PHEX: variants seen among roughly 807,000 people sequenced by gnomAD.
PHEX encodes phosphate regulating endopeptidase X-linked.
A neutral mutation model predicts 68.0 loss-of-function variants in PHEX; 16 were observed. That is an observed-to-expected ratio of 0.24 (90% CI 0.16 to 0.36). The LOEUF (loss-of-function observed/expected upper bound fraction) is 0.36. Ranked by LOEUF, PHEX falls within the 10% of genes least tolerant of loss-of-function variation. The probability of loss-of-function intolerance (pLI) is 1.00; values close to 1 mark genes in which losing one functional copy is unlikely to be tolerated. For missense variants in PHEX, 480 were observed against 575.5 expected, an observed-to-expected ratio of 0.83 and a Z score of 1.70; for synonymous variants, 208 against 205.1, an observed-to-expected ratio of 1.01 and a Z score of -0.12.
At chrX:22,154,909 A>T (rs1932917199) in intron 12 of PHEX, among the ~76,000 whole-genome samples, 1 of 111,675 alleles carries the variant, frequency 9.0e-6, no homozygotes, top group Admixed American at 9.5e-5. Context: ...GAAAATTCCC[A>T]CTTGCATTGA....
At chrX:22,185,913 G>A (rs972230360) in intron 14 of PHEX, among the ~76,000 whole-genome samples, 1 of 109,935 alleles carries the variant, frequency 9.1e-6, no homozygotes, top group Non-Finnish European at 1.9e-5. Context: ...CCGCCACCAC[G>A]CTGAGCTAAT....
At chrX:22,214,288 C>G (rs1252881319) in intron 16 of PHEX, among the ~76,000 whole-genome samples, 3 of 111,834 alleles carry the variant, frequency 2.7e-5, no homozygotes, top group African/African-American at 9.7e-5. Context: ...CTGTCTCTCC[C>G]TTCTACTTAT....
intron 1 of PHEX, among the ~76,000 whole-genome samples, chrX:22,036,366 G>A (rs1427304649): frequency 9.1e-6 from 1 of 110,081 alleles, no homozygotes; most frequent in Non-Finnish European, 1.9e-5. Context: ...GGCCTAATTA[G>A]TTATATTTAA....
intron 3 of PHEX, among the ~76,000 whole-genome samples, chrX:22,054,242 C>T (rs1029520908): frequency 1.8e-5 from 2 of 111,690 alleles, no homozygotes; most frequent in African/African-American, 6.5e-5. Flanking sequence ...TCAGGTGATT[C>T]TCCTGCCTTG....
chrX:22,070,809 C>T (rs1928868165), intron 3 of PHEX, among the ~76,000 whole-genome samples: 1 of 111,984 alleles, frequency 8.9e-6, no homozygotes, highest in East Asian at 2.8e-4. Context: ...AGAAAGAACC[C>T]AAAGGAGGGT....
intron 15 of PHEX, among the ~76,000 whole-genome samples, chrX:22,201,321 C>T (rs1002739614): frequency 6.3e-5 from 7 of 111,041 alleles, no homozygotes; most frequent in Admixed American, 1.9e-4. Flanking sequence ...GGACTACAGG[C>T]GCTCACCACC....
At chrX:22,215,017 A>C (rs749705381) in intron 16 of PHEX, among the ~76,000 whole-genome samples, 1 of 111,703 alleles carries the variant, frequency 9.0e-6, no homozygotes, top group South Asian at 3.7e-4. Flanking sequence ...CAAACTAAAA[A>C]AGTCCTATAA....
At chrX:22,056,778 TA>T (rs1334402307) in intron 3 of PHEX, among the ~76,000 whole-genome samples, 1 of 103,997 alleles carries the variant, frequency 9.6e-6, no homozygotes, top group African/African-American at 3.5e-5. Flanking sequence ...ATAATAATAA[TA>T]ATAATAATAA....
At chrX:22,224,947 A>AACTATCATACAGCGCTGTATGATTT (rs1935397939) in intron 18 of PHEX, among the ~76,000 whole-genome samples, 1 of 23,247 alleles carries the variant, frequency 4.3e-5, no homozygotes, top group Non-Finnish European at 7.9e-5. Context: ...AAATAACATA[A>AACTATCATACAGCGCTGTATGATTT]ATTATCATAC....
chrX:22,196,727 T>G (rs1934379163), intron 15 of PHEX, among the ~76,000 whole-genome samples: 1 of 112,532 alleles, frequency 8.9e-6, no homozygotes, highest in South Asian at 3.7e-4. Context: ...GATCTTGGCT[T>G]GAAAACAAGC....
At position 22,128,539 on chromosome X, in the gene PHEX, C is replaced by T. The variant is rs1173048042; in HGVS notation, c.1303-4984C>T. Among the ~76,000 whole-genome samples, 3 of 110,903 alleles carry T rather than the reference C, an allele frequency of 2.7e-5. No individual in the cohort carries two copies. The East Asian group carries it at 8.4e-4, about 31-fold the overall frequency. On this transcript the variant is annotated intron_variant, in intron 11 of 21. Coordinates refer to ENST00000379374, the MANE Select transcript of PHEX (RefSeq NM_000444.6). The stretch of plus-strand genomic sequence containing the variant: ...CTCCATAAAAATACCTCAAAGAGAA[C>T]AGGAGCAAAATGACCTTAAGATTCA...
chrX:22,173,866 G>A (rs1424731926), intron 13 of PHEX, among the ~76,000 whole-genome samples: 3 of 111,844 alleles, frequency 2.7e-5, no homozygotes, highest in Non-Finnish European at 5.6e-5. Flanking sequence ...TAGTGCTTCA[G>A]TATTTTTCAT....
chrX:22,164,172 A>G (rs1933232611), intron 12 of PHEX, among the ~76,000 whole-genome samples: 2 of 112,027 alleles, frequency 1.8e-5, no homozygotes, highest in Admixed American at 9.5e-5. Flanking sequence ...ACCTGGAGCC[A>G]TGGGATATTG....
chrX:22,240,448 G>C (rs374217620), intron 20 of PHEX, among the ~76,000 whole-genome samples: 1 of 112,063 alleles, frequency 8.9e-6, no homozygotes, highest in Non-Finnish European at 1.9e-5. Context: ...CTGGCAAATT[G>C]GATAAAGAGT....
intron 20 of PHEX, among the ~76,000 whole-genome samples, chrX:22,229,300 C>G (rs765644029): frequency 8.9e-6 from 1 of 111,750 alleles, no homozygotes; most frequent in African/African-American, 3.3e-5. Context: ...GGTTCTAGAT[C>G]CTTGAGGAAT....
chrX:22,218,538 A>G (rs1935163730), intron 16 of PHEX, among the ~76,000 whole-genome samples: 1 of 112,308 alleles, frequency 8.9e-6, no homozygotes, highest in African/African-American at 3.2e-5. Flanking sequence ...TTGAAAATAG[A>G]GTGATCCCTT....
chrX:22,046,944 C>A, intron 2 of PHEX, 106 bp from the exon 3 acceptor site: 1 of 674,660 alleles, frequency 1.5e-6, no homozygotes. Flanking sequence ...AATATAAATG[C>A]CAAGGCTTGG....
At chrX:22,236,195 C>T (rs1935973316) in intron 20 of PHEX, among the ~76,000 whole-genome samples, 1 of 112,227 alleles carries the variant, frequency 8.9e-6, no homozygotes, top group African/African-American at 3.2e-5. Context: ...CCTTCAGGAT[C>T]CATGTTGAGT....
At chrX:22,206,042 G>T (rs928121956) in intron 15 of PHEX, among the ~76,000 whole-genome samples, 7 of 112,128 alleles carry the variant, frequency 6.2e-5, no homozygotes, top group Non-Finnish European at 1.1e-4. Context: ...TATTTAGCTT[G>T]TTAATATCTG....
Sources: allele counts gnomAD v4.1 joint callset (sites outside exome capture counted in the v4.1 genomes callset), GRCh38; gene constraint gnomAD v4.1.1; transcripts MANE v1.5; gene names NCBI Gene and HGNC (gene_info 2026-07-23, HGNC 2026-07-21).